The following DSE variants were observed in gnomAD, a reference collection of about 807,000 sequenced individuals.
The protein encoded by DSE is dermatan sulfate epimerase, also known as dermatan-sulfate epimerase.
A neutral mutation model predicts 84.4 loss-of-function variants in DSE; 36 were observed. That is an observed-to-expected ratio of 0.43 (90% CI 0.33 to 0.56). The LOEUF is 0.56. DSE is among the 20% of genes least tolerant of loss of function. The pLI is 0.06. For missense variants in DSE, 862 were observed against 1,169.6 expected (o/e 0.74, Z 3.84); for synonymous variants, 410 against 430.1 (o/e 0.95, Z 0.58).
At chr6:116,422,345 T>C (rs940798590) in intron 2 of DSE, among the ~76,000 whole-genome samples, 8 of 152,252 alleles carry the variant, frequency 5.3e-5, no homozygotes, top group Non-Finnish European at 1.0e-4. Context: ...AGTTTGTCAT[T>C]GGCAACAAAG....
intron 2 of DSE, among the ~76,000 whole-genome samples, chr6:116,291,358 G>T (rs935473285): frequency 6.6e-6 from 1 of 151,922 alleles, no homozygotes; most frequent in Non-Finnish European, 1.5e-5. Context: ...ATAATTTTGA[G>T]ATGAGTCCTA....
chr6:116,258,979 G>A, intron 2 of DSE: 2 of 1,484,396 alleles, frequency 1.3e-6, no homozygotes, highest in Non-Finnish European at 1.9e-6. Context: ...TAGGTACTTG[G>A]CATATTTCTC....
intron 1 of DSE, among the ~76,000 whole-genome samples, chr6:116,385,780 A>G (rs559473492): frequency 6.6e-6 from 1 of 150,752 alleles, no homozygotes; most frequent in African/African-American, 2.5e-5. Flanking sequence ...CAAAATAAGT[A>G]CATATAAAAA....
rs144772168 is a variant in DSE at position 116,263,302 on chromosome 6, T to C, written c.-54+4335T>C. Among the ~76,000 whole-genome samples, 535 of 152,132 alleles carry C rather than the reference T, an allele frequency of 3.5e-3. 4 individuals are homozygous for C. Among genetic ancestry groups the C allele is most frequent in the Non-Finnish European group, 6.2e-3 (419 of 67,942 alleles). ...TGAATCTGGGTGCTCCTGTGTTGGG[T>C]GCATAGTTAGGTCTTCTTATTGAAC... is the stretch of plus-strand genomic sequence containing the variant. On this transcript the variant is annotated intron_variant, in intron 2 of 3. Coordinates refer to the DSE transcript ENST00000430252.
intron 2 of DSE, among the ~76,000 whole-genome samples, chr6:116,409,126 C>T (rs1782129804): frequency 6.6e-6 from 1 of 152,164 alleles, no homozygotes; most frequent in Admixed American, 6.5e-5. Context: ...GTTAATGAAA[C>T]AGTACATAGC....
chr6:116,416,349 C>CTGTGTGTGTGTGTGTGTGTGTG (rs59237926), intron 2 of DSE, among the ~76,000 whole-genome samples: 1 of 133,962 alleles, frequency 7.5e-6, no homozygotes. Flanking sequence ...CTAATTGCCA[C>CTGTGTGTGTGTGTGTGTGTGTG]TGTGTGTGTG....
At chr6:116,364,055 T>G (rs199674246) in intron 2 of DSE, among the ~76,000 whole-genome samples, 11 of 152,128 alleles carry the variant, frequency 7.2e-5, no homozygotes, top group African/African-American at 2.7e-4. Flanking sequence ...CCCATCTATG[T>G]TAACCTTGGT....
At chr6:116,432,898 C>CAAGT (rs1200736499) in intron 4 of DSE, 1 of 176,098 alleles carries the variant, frequency 5.7e-6, no homozygotes, top group East Asian at 1.6e-4. Context: ...GTATAACTTA[C>CAAGT]ACTTTATTGA....
At chr6:116,435,485 T>A (rs1448277681) in intron 5 of DSE, 102 bp from the exon 6 acceptor site, 2 of 1,194,456 alleles carry the variant, frequency 1.7e-6, no homozygotes, top group East Asian at 5.0e-5. Context: ...GCACTGCCAG[T>A]GCTCTGGGTA....
chr6:116,353,427 C>T (rs1471325241), intron 2 of DSE, among the ~76,000 whole-genome samples: 1 of 152,136 alleles, frequency 6.6e-6, no homozygotes, highest in Non-Finnish European at 1.5e-5. Context: ...GAATAAATAT[C>T]TTTCTTCATG....
rs770579971 is a variant in DSE at position 116,399,590 on chromosome 6, G to A, written c.340G>A (p.Val114Met). The A allele has an allele frequency of 1.2e-6, 2 of 1,614,224 alleles. No homozygotes were observed. The highest frequency in any genetic ancestry group is 3.3e-5 in the Admixed American group (2 of 60,030). ...NNLGALAMFC[V>M]LYPENIEARD... The stretch of plus-strand genomic sequence containing the variant: ...CTTGGGTGCCTTGGCAATGTTCTGT[G>A]TGCTGTATCCTGAGAACATTGAAGC... Residue 114 changes from valine to methionine, a missense_variant, in exon 2 of 6, where the codon GTG becomes ATG. Val to Met is a conservative substitution (Grantham distance 21). Around this residue, in one of 4 missense-constraint regions of DSE, gnomAD observed 309 missense variants for 516.9 expected, o/e 0.60. Transcript: ENST00000644252.
intron 2 of DSE, among the ~76,000 whole-genome samples, chr6:116,267,377 C>A (rs962469718): frequency 3.2e-4 from 48 of 151,804 alleles, no homozygotes; most frequent in Non-Finnish European, 8.8e-5. Context: ...TAATCGGGAG[C>A]ATGGCTATGC....
At chr6:116,326,852 C>CTAGTAGAACAAT (rs1278400697) in intron 2 of DSE, among the ~76,000 whole-genome samples, 11 of 152,316 alleles carry the variant, frequency 7.2e-5, no homozygotes, top group Admixed American at 2.6e-4. Flanking sequence ...ATTTTTCTTA[C>CTAGTAGAACAAT]TTCATTCTAG....
Position 116,280,096 on chromosome 6 carries a change from G to C in DSE, c.-54+21129G>C, listed in dbSNP as rs73767712. 6.8e-3 allele frequency: 3,797 copies of C among 556,266 alleles called. 125 individuals are homozygous for C. The highest frequency in any genetic ancestry group is 0.065 in the African/African-American group (3,416 of 52,870). The allele number at this position is 556,266 out of a possible 1,614,324, so 34.5% of individuals were successfully genotyped here. The stretch of plus-strand genomic sequence containing the variant: ...AGTAATTTTACCTACGTAAATAAAT[G>C]TCGATTGTGCTGAGTCTGGAAGCGC... On this transcript the variant is annotated intron_variant, in intron 2 of 3. Transcript: ENST00000430252.
At chr6:116,293,800 G>A (rs764612229) in intron 2 of DSE, among the ~76,000 whole-genome samples, 1 of 151,848 alleles carries the variant, frequency 6.6e-6, no homozygotes, top group Non-Finnish European at 1.5e-5. Flanking sequence ...AGGATCACCT[G>A]AGCCAGGGAG....
chr6:116,422,380 A>T lies in DSE; in HGVS notation c.417-4194A>T, dbSNP rs1783146874. Among the ~76,000 whole-genome samples, 3 of 152,220 alleles carry T rather than the reference A, an allele frequency of 2.0e-5. No individual in the cohort carries two copies. In the South Asian group the frequency reaches 6.2e-4, roughly 31 times the overall value. On this transcript the variant is annotated intron_variant, in intron 2 of 5. Coordinates refer to ENST00000644252, the MANE Select transcript of DSE (RefSeq NM_013352.4). ...GGCTTTCAGCTTTCCTTGAACTGGC[A>T]GGCCTTCCTTGTTTATTTTCAAGAA...
intron 1 of DSE, among the ~76,000 whole-genome samples, chr6:116,386,148 T>C (rs566229674): frequency 1.3e-5 from 2 of 152,338 alleles, no homozygotes; most frequent in African/African-American, 4.8e-5. Flanking sequence ...GCAACATTCT[T>C]AGTCATTTTT....
intron 2 of DSE, among the ~76,000 whole-genome samples, chr6:116,275,537 A>C (rs1006998159): frequency 6.6e-6 from 1 of 152,232 alleles, no homozygotes; most frequent in Non-Finnish European, 1.5e-5. Flanking sequence ...GCGGTGGCTC[A>C]CGCCTGTAAT....
intron 2 of DSE, among the ~76,000 whole-genome samples, chr6:116,289,575 G>A (rs1454461571): frequency 6.6e-6 from 1 of 151,746 alleles, no homozygotes; most frequent in Non-Finnish European, 1.5e-5. Context: ...TTTTTAAATG[G>A]AAATATAGTC....
Sources: allele counts gnomAD v4.1 joint callset (sites outside exome capture counted in the v4.1 genomes callset), GRCh38; gene constraint gnomAD v4.1.1; regional missense constraint gnomAD v4.1.1; transcripts MANE v1.5; gene names NCBI Gene and HGNC (gene_info 2026-07-23, HGNC 2026-07-21).